Variants in PCCA observed in about 807,000 individuals in gnomAD.
PCCA encodes the protein propionyl-CoA carboxylase subunit alpha, also known as propionyl-CoA carboxylase alpha chain, mitochondrial.
PCCA carries 74 observed loss-of-function variants against 101.3 expected under a neutral mutation model. That is an observed-to-expected ratio of 0.73 (90% CI 0.61 to 0.89). The LOEUF is 0.89. PCCA is among the 40% of genes least tolerant of loss of function. The pLI is 0.00. For missense variants in PCCA, 891 were observed against 907.0 expected (o/e 0.98, Z 0.23); for synonymous variants, 294 against 313.6 (o/e 0.94, Z 0.66).
At chr13:100,126,724 G>C (rs1483984189) in intron 4 of PCCA, among the ~76,000 whole-genome samples, 1 of 152,172 alleles carries the variant, frequency 6.6e-6, no homozygotes, top group Non-Finnish European at 1.5e-5. Context: ...TTGAAATGCA[G>C]CATAAATCCA....
At chr13:100,382,006 G>A (rs926491047) in intron 19 of PCCA, among the ~76,000 whole-genome samples, 5 of 152,222 alleles carry the variant, frequency 3.3e-5, no homozygotes, top group Non-Finnish European at 7.3e-5. Flanking sequence ...TTTTAGCTCT[G>A]CTCTCCACAG....
intron 19 of PCCA, among the ~76,000 whole-genome samples, chr13:100,384,212 G>T (rs890215143): frequency 2.0e-5 from 3 of 152,114 alleles, no homozygotes; most frequent in African/African-American, 7.2e-5. Flanking sequence ...TTTAAGTAGA[G>T]ACGGGGTTTC....
intron 17 of PCCA, among the ~76,000 whole-genome samples, chr13:100,331,819 G>A (rs923316774): frequency 6.7e-5 from 10 of 149,088 alleles, no homozygotes; most frequent in African/African-American, 2.0e-4. Flanking sequence ...AACCCCTTAC[G>A]TCATTGCTTT....
chr13:100,387,699 T>C (rs1313000063), intron 19 of PCCA, among the ~76,000 whole-genome samples: 2 of 152,216 alleles, frequency 1.3e-5, no homozygotes, highest in Non-Finnish European at 2.9e-5. Flanking sequence ...ACTTTTTAAA[T>C]GCAGGTTTGT....
chr13:100,287,337 T>C (rs2064755629), intron 12 of PCCA, among the ~76,000 whole-genome samples: 1 of 152,120 alleles, frequency 6.6e-6, no homozygotes, highest in South Asian at 2.1e-4. Context: ...ATTGTATTTA[T>C]ATTTAACAGA....
intron 7 of PCCA, among the ~76,000 whole-genome samples, chr13:100,219,764 A>AT (rs975879033): frequency 4.6e-5 from 7 of 152,152 alleles, no homozygotes; most frequent in Non-Finnish European, 7.3e-5. Flanking sequence ...GCCTACTATC[A>AT]TTTTTTCCCA....
chr13:100,365,567 G>T (rs1394502847), intron 18 of PCCA, among the ~76,000 whole-genome samples: 3 of 152,176 alleles, frequency 2.0e-5, no homozygotes, highest in Non-Finnish European at 4.4e-5. Context: ...TTAAATGGAA[G>T]AAAGATCTCT....
intron 6 of PCCA, among the ~76,000 whole-genome samples, chr13:100,194,070 C>CA (rs879368897): frequency 0.031 from 3,740 of 121,596 alleles, 78 homozygotes; most frequent in African/African-American, 0.072. Context: ...GCCTCCGTCT[C>CA]AAAAAAAAAA....
intron 22 of PCCA, among the ~76,000 whole-genome samples, chr13:100,524,596 G>T (rs1240430174): frequency 2.6e-5 from 4 of 152,174 alleles, no homozygotes; most frequent in Non-Finnish European, 4.4e-5. Flanking sequence ...TCTAGGCTGG[G>T]CACAGTGGCA....
chr13:100,340,943 A>G (rs940898129), intron 18 of PCCA, among the ~76,000 whole-genome samples: 2 of 152,238 alleles, frequency 1.3e-5, no homozygotes, highest in Admixed American at 6.5e-5. Context: ...AAAAAGAAAA[A>G]AAAAGATGGA....
chr13:100,419,964 G>A (rs940038220), intron 19 of PCCA, among the ~76,000 whole-genome samples: 6 of 152,182 alleles, frequency 3.9e-5, no homozygotes, highest in African/African-American at 7.2e-5. Flanking sequence ...CACCTCTAGC[G>A]TTGTGTCTTT....
At chr13:100,320,904 C>A (rs1157796446) in intron 16 of PCCA, among the ~76,000 whole-genome samples, 1 of 152,064 alleles carries the variant, frequency 6.6e-6, no homozygotes. Context: ...GATGTGCCAC[C>A]CTACGCGGCT....
intron 6 of PCCA, among the ~76,000 whole-genome samples, chr13:100,184,424 A>T (rs1377600274): frequency 6.6e-6 from 1 of 152,230 alleles, no homozygotes; most frequent in African/African-American, 2.4e-5. Context: ...TTAAGTAGGC[A>T]GATATTTATA....
At chr13:100,446,444 A>C (rs1190714709) in intron 20 of PCCA, among the ~76,000 whole-genome samples, 1 of 152,228 alleles carries the variant, frequency 6.6e-6, no homozygotes, top group Admixed American at 6.5e-5. Context: ...AATACTTTGT[A>C]CATTTTGTAC....
chr13:100,287,960 T>A (rs963372646), intron 12 of PCCA, among the ~76,000 whole-genome samples: 1 of 152,236 alleles, frequency 6.6e-6, no homozygotes, highest in Non-Finnish European at 1.5e-5. Context: ...TGTAGGACTT[T>A]AAACATCTTT....
chr13:100,238,774 A>G (rs2060957831), intron 8 of PCCA, among the ~76,000 whole-genome samples: 1 of 152,134 alleles, frequency 6.6e-6, no homozygotes, highest in African/African-American at 2.4e-5. Flanking sequence ...GTTGTTTGAT[A>G]TTTCGTAAGT....
intron 17 of PCCA, among the ~76,000 whole-genome samples, chr13:100,334,539 C>T (rs1175823883): frequency 6.6e-6 from 1 of 152,164 alleles, no homozygotes; most frequent in African/African-American, 2.4e-5. Context: ...AGGCAGATGA[C>T]TGTGCTTACT....
At chr13:100,094,228 CAAAAAAAAAAA>C (rs1219610982) in intron 1 of PCCA, among the ~76,000 whole-genome samples, 3 of 54,018 alleles carry the variant, frequency 5.6e-5, no homozygotes, top group Admixed American at 3.9e-4. Flanking sequence ...AAATCTGTCT[CAAAAAAAAAAA>C]AAAAAAAAAA....
At chr13:100,295,064 G>A (rs987684803) in intron 12 of PCCA, among the ~76,000 whole-genome samples, 9 of 152,278 alleles carry the variant, frequency 5.9e-5, no homozygotes, top group Admixed American at 5.9e-4. Context: ...TTCCCAACAT[G>A]CTTTTCATCC....
Sources: gnomAD v4.1 joint callset for allele counts (sites outside exome capture counted in the v4.1 genomes callset) on GRCh38, gnomAD v4.1.1 for gene constraint, MANE v1.5 for transcripts, NCBI Gene and HGNC (gene_info 2026-07-23, HGNC 2026-07-21) for gene names.